Variants in AXIN2 observed in about 807,000 individuals in gnomAD.
AXIN2 encodes the protein axin 2.
A neutral mutation model predicts 74.7 loss-of-function variants in AXIN2; 21 were observed. The ratio of observed to expected loss-of-function variants is 0.28; its 90% CI spans 0.20 to 0.40. The LOEUF (loss-of-function observed/expected upper bound fraction) is 0.40. AXIN2 is among the 10% of genes least tolerant of loss of function. The pLI is 1.00. For missense variants in AXIN2, 1,144 were observed against 1,111.1 expected (o/e 1.03, Z -0.42); for synonymous variants, 532 against 454.9 (o/e 1.17, Z -2.16).
chr17:65,543,949 G>C (rs2044078838), intron 3 of AXIN2, among the ~76,000 whole-genome samples: 1 of 152,070 alleles, frequency 6.6e-6, no homozygotes, highest in East Asian at 1.9e-4. Flanking sequence ...CCACAGATTG[G>C]GCTCATGCTG....
chr17:65,534,181 A>G (rs2043870904), intron 9 of AXIN2, 102 bp from the exon 10 acceptor site: 3 of 1,416,902 alleles, frequency 2.1e-6, no homozygotes, highest in East Asian at 2.3e-5. Context: ...CAGGGTATCC[A>G]AACACTAGGG....
intron 3 of AXIN2, among the ~76,000 whole-genome samples, 178 bp downstream of exon 3, chr17:65,549,342 T>C (rs2044158900): frequency 6.6e-6 from 1 of 152,224 alleles, no homozygotes; most frequent in South Asian, 2.1e-4. Flanking sequence ...CAGATGACCA[T>C]GTCATCCTCC....
intron 4 of AXIN2, 27 bp from the exon 5 acceptor site, chr17:65,538,370 G>A: frequency 1.2e-6 from 2 of 1,613,688 alleles, no homozygotes; most frequent in South Asian, 2.2e-5. Context: ...GGAAAGGGAG[G>A]AGGCACGTTC....
intron 9 of AXIN2, among the ~76,000 whole-genome samples, chr17:65,534,884 TA>T (rs1456852154): frequency 6.6e-6 from 1 of 151,834 alleles, no homozygotes. Context: ...GGGCCAAGAT[TA>T]AGCCACTGCA....
intron 3 of AXIN2, among the ~76,000 whole-genome samples, chr17:65,548,283 A>G (rs181513189): frequency 6.6e-6 from 1 of 152,386 alleles, no homozygotes; most frequent in Admixed American, 6.5e-5. Flanking sequence ...AGCCACCAGC[A>G]AAATAAATAG....
chr17:65,536,756 G>A (rs1347847220), intron 7 of AXIN2, 113 bp downstream of exon 7: 37 of 1,501,830 alleles, frequency 2.5e-5, no homozygotes, highest in Admixed American at 1.2e-4. Context: ...AAGATGGCAG[G>A]AGCAAATAGT....
chr17:65,538,095 G>A (rs575466930), intron 5 of AXIN2, 108 bp downstream of exon 5: 2 of 1,574,850 alleles, frequency 1.3e-6, no homozygotes, highest in African/African-American at 1.4e-5. Flanking sequence ...GCATGCGCAT[G>A]CAACCCACGC....
At position 65,536,476 on chromosome 17, in the gene AXIN2, A is replaced by G. The variant is rs142476324; in HGVS notation, c.1985T>C (p.Leu662Pro). ...GGGGTGCCCGCTGTTGCCCCCCCAC[A>G]GATGGTGCCGGCTGGCTCGTTCGCC... ...SPGERASRHH[L>P]WGGNSGHPRT... The change falls in exon 8 of 11, where the codon CTG becomes CCG. Residue 662 changes from leucine (L) to proline (P), a missense_variant. Leu to Pro is a moderately conservative substitution (Grantham distance 98). Transcript: ENST00000307078. 1.2e-3 allele frequency: 1,944 copies of G among 1,613,924 alleles called. 5 individuals are homozygous for G. The highest frequency in any genetic ancestry group is 3.6e-3 in the Middle Eastern group (22 of 6,062).
At chr17:65,560,889 G>A (rs1277052894) in intron 1 of AXIN2, 2 of 149,186 alleles carry the variant, frequency 1.3e-5, no homozygotes, top group African/African-American at 2.4e-5. Flanking sequence ...GCCCGGCCCC[G>A]GCCCCCGGCT....
At chr17:65,533,806 C>A in intron 10 of AXIN2, 106 bp downstream of exon 10, 2 of 876,162 alleles carry the variant, frequency 2.3e-6, no homozygotes, top group East Asian at 3.3e-5. Context: ...AGCCCCCTCC[C>A]ACCCTGCCCC....
In AXIN2 at chr17:65,537,470, A is replaced by G; in HGVS notation, c.1566T>C (p.His522=). ...TCTCCTCCTTGGTCTTGGGGACGGC[A>G]TGGTGGTGGATGTAGTGGTGGTGGA... is the stretch of plus-strand genomic sequence containing the variant. ...KHVHHHYIHH[H]AVPKTKEEIE... Residue 522 remains histidine (H), a synonymous_variant, in exon 6 of 11, where the codon CAT becomes CAC. Coordinates refer to ENST00000307078, the MANE Select transcript of AXIN2 (RefSeq NM_004655.4). 1 of 1,613,668 alleles carries G rather than the reference A, an allele frequency of 6.2e-7. No individual in the cohort carries two copies. The highest frequency in any genetic ancestry group is 8.5e-7 in the Non-Finnish European group (1 of 1,179,940).
At chr17:65,542,435 A>G (rs2044057562) in intron 3 of AXIN2, among the ~76,000 whole-genome samples, 1 of 152,240 alleles carries the variant, frequency 6.6e-6, no homozygotes, top group African/African-American at 2.4e-5. Flanking sequence ...AGTGATATGT[A>G]CTATGAATAA....
chr17:65,559,251 G>A (rs1473813575), intron 1 of AXIN2, among the ~76,000 whole-genome samples: 3 of 151,066 alleles, frequency 2.0e-5, no homozygotes, highest in Admixed American at 6.6e-5. Context: ...GCCCTTCCCC[G>A]GCATCTGGTT....
Position 65,541,447 on chromosome 17 carries a change from G to A in AXIN2, c.1059+8C>T, listed in dbSNP as rs367595502. 435 of 1,609,242 alleles carry A rather than the reference G, an allele frequency of 2.7e-4. 3 individuals are homozygous for A. Among genetic ancestry groups the A allele is most frequent in the Non-Finnish European group, 1.3e-4 (154 of 1,175,562 alleles). On this transcript the variant is annotated splice_region_variant and intron_variant, in intron 4 of 10. Transcript: ENST00000307078. Reference sequence around the variant, plus strand: ...AACAGCTGTCTCCTCACTCCAGACTGTACTCACCGGGAAATGAGGTAGAGA... The same window carrying A: ...AACAGCTGTCTCCTCACTCCAGACTATACTCACCGGGAAATGAGGTAGAGA...
rs1004230754 is a variant in AXIN2 at position 65,528,868 on chromosome 17, A to T, written c.*1108T>A. 9 of 402,914 alleles carry T rather than the reference A, an allele frequency of 2.2e-5. No homozygotes were observed. The highest frequency in any genetic ancestry group is 8.4e-5 in the Admixed American group (2 of 23,826). The allele number at this position is 402,914 out of a possible 1,614,324, so 25.0% of individuals were successfully genotyped here. On this transcript the variant is annotated 3_prime_UTR_variant, in exon 11 of 11. Coordinates refer to ENST00000307078, the MANE Select transcript of AXIN2 (RefSeq NM_004655.4). Reference sequence around the variant, plus strand: ...TAAAGTCAAGCACTAGAGATAGTGGATTAATACTCTTTTGCCGTACACTAT... The same window carrying T: ...TAAAGTCAAGCACTAGAGATAGTGGTTTAATACTCTTTTGCCGTACACTAT...
chr17:65,529,854 TA>T lies in AXIN2; in HGVS notation c.*121del. On this transcript the variant is annotated 3_prime_UTR_variant, in exon 11 of 11. Coordinates refer to ENST00000307078, the MANE Select transcript of AXIN2 (RefSeq NM_004655.4). ...GAAGGCCCACTGGCCGATTCTTCCT[TA>T]GACTTTGTCTTCTTCATTGGTTTAA... 1 of 1,565,386 alleles carries T rather than the reference TA, an allele frequency of 6.4e-7. No individual in the cohort carries two copies. Among genetic ancestry groups the T allele is most frequent in the Non-Finnish European group, 8.7e-7 (1 of 1,147,868 alleles).
At chr17:65,539,809 G>A (rs2044014514) in intron 4 of AXIN2, among the ~76,000 whole-genome samples, 1 of 152,214 alleles carries the variant, frequency 6.6e-6, no homozygotes, top group Admixed American at 6.5e-5. Flanking sequence ...GCTGTGAGCT[G>A]GGTGCTTTCT....
chr17:65,532,248 C>T (rs908076057), intron 10 of AXIN2, among the ~76,000 whole-genome samples: 1 of 152,150 alleles, frequency 6.6e-6, no homozygotes, highest in African/African-American at 2.4e-5. Context: ...GATGTGGCCA[C>T]AGCAGCTGAA....
rs1555577851 is a variant in AXIN2, at chr17:65,537,607, A to T, written c.1429T>A (p.Tyr477Asn). 3 of 1,601,510 alleles carry T rather than the reference A, an allele frequency of 1.9e-6. No individual in the cohort carries two copies. In the South Asian group the frequency reaches 3.3e-5, roughly 18 times the overall value. ...PDHHHHHHSQ[Y>N]HSLLPPGGKL... ...CCACCGGGCGGGAGCAGGGAGTGGTACTGCGAATGGTGGTGGTGGTGGTGG... is the reference window on the plus strand; with the variant it reads ...CCACCGGGCGGGAGCAGGGAGTGGTTCTGCGAATGGTGGTGGTGGTGGTGG... Residue 477 changes from tyrosine to asparagine, a missense_variant, in exon 6 of 11, where the codon TAC becomes AAC. This residue lies in a region of AXIN2 where 1,053 missense variants were observed against 973.5 expected (regional missense o/e 1.08). Transcript: ENST00000307078.
Sources: allele counts gnomAD v4.1 joint callset (sites outside exome capture counted in the v4.1 genomes callset), GRCh38; gene constraint gnomAD v4.1.1; regional missense constraint gnomAD v4.1.1; transcripts MANE v1.5; gene names NCBI Gene and HGNC (gene_info 2026-07-23, HGNC 2026-07-21).